The following SAR1A variants were observed in gnomAD, a reference collection of about 807,000 sequenced individuals.
The protein encoded by SAR1A is small COPII coat GTPase SAR1A.
SAR1A carries 6 observed loss-of-function variants against 22.6 expected under a neutral mutation model. The ratio of observed to expected loss-of-function variants is 0.27; its 90% CI spans 0.15 to 0.52. SAR1A has a LOEUF of 0.52. Ranked by LOEUF, SAR1A falls within the 20% of genes least tolerant of loss-of-function variation. The pLI is 0.96. For synonymous variants in SAR1A, 70 were observed against 82.2 expected, an observed-to-expected ratio of 0.85 and a Z score of 0.80; for missense variants, 145 against 245.1, an observed-to-expected ratio of 0.59 and a Z score of 2.73.
At chr10:70,158,951 C>T (rs1004812088) in intron 4 of SAR1A, among the ~76,000 whole-genome samples, 1 of 152,176 alleles carries the variant, frequency 6.6e-6, no homozygotes, top group Admixed American at 6.5e-5. Flanking sequence ...ACCAAACAAT[C>T]TACAATTCCC....
Position 70,160,984 on chromosome 10 carries a change from T to A in SAR1A, c.244+20A>T. 1 of 1,591,064 alleles carries A rather than the reference T, an allele frequency of 6.3e-7. No homozygotes were observed. The highest frequency in any genetic ancestry group is 1.4e-5 in the African/African-American group (1 of 74,062). ...AAAAAATAAGTCAATAAACATGCTT[T>A]CCACTGAGTCATCACTTACCTTGCT... On this transcript the variant is annotated intron_variant, in intron 4 of 6. Transcript: ENST00000373241.
At position 70,148,472 on chromosome 10, in the gene SAR1A, T is replaced by C. The variant is rs1394147696; in HGVS notation, c.*4004A>G. On this transcript the variant is annotated 3_prime_UTR_variant, in exon 7 of 7. Transcript: ENST00000373241. ...GCTTGATCACAGCACAATTTCTTTA[T>C]CCCAACTTCCTAGCAATCAAAGAGT... 1 of 152,080 alleles carries C rather than the reference T, an allele frequency of 6.6e-6. No individual in the cohort carries two copies. The highest frequency in any genetic ancestry group is 2.4e-5 in the African/African-American group (1 of 41,418). 9.4% of individuals were successfully genotyped at this position (152,080 alleles called of 1,614,324 possible).
intron 4 of SAR1A, 32 bp downstream of exon 4, chr10:70,160,972 A>C (rs370099648): frequency 9.0e-6 from 14 of 1,552,208 alleles, no homozygotes; most frequent in Non-Finnish European, 1.2e-5. Flanking sequence ...AAATAAGTCA[A>C]TAAACATGCT....
At chr10:70,165,601 T>C (rs1295437658) in intron 1 of SAR1A, among the ~76,000 whole-genome samples, 1 of 152,202 alleles carries the variant, frequency 6.6e-6, no homozygotes, top group Non-Finnish European at 1.5e-5. Flanking sequence ...ATGATCAAAC[T>C]AATGGATAAA....
rs916052435 is a variant in SAR1A at position 70,150,044 on chromosome 10, C to T, written c.*2432G>A. On this transcript the variant is annotated 3_prime_UTR_variant, in exon 7 of 7. Transcript: ENST00000373241. ...AATCTATTACTTCTAGTACCCCAGC[C>T]TTTTTCCCCCTCCTGGTGGCAAAAT... is the stretch of plus-strand genomic sequence containing the variant. 2 of 152,112 alleles carry T rather than the reference C, an allele frequency of 1.3e-5. No individual in the cohort carries two copies. Among genetic ancestry groups the T allele is most frequent in the Non-Finnish European group, 2.9e-5 (2 of 68,034 alleles). The allele number at this position is 152,112 out of a possible 1,614,324, so 9.4% of individuals were successfully genotyped here.
chr10:70,152,940 A>C (rs1173958897), intron 6 of SAR1A, among the ~76,000 whole-genome samples: 1 of 152,252 alleles, frequency 6.6e-6, no homozygotes, highest in African/African-American at 2.4e-5. Flanking sequence ...CTGTTTAAAA[A>C]TAAGGACATT....
chr10:70,153,996 G>GA (rs753854570), intron 5 of SAR1A, 27 bp from the exon 6 acceptor site: 149 of 1,508,082 alleles, frequency 9.9e-5, no homozygotes, highest in South Asian at 7.0e-4. Context: ...AAGAAAAAAA[G>GA]AAAAAAAAGA....
At chr10:70,170,183 G>C (rs1416903709) in intron 1 of SAR1A, among the ~76,000 whole-genome samples, 2 of 151,954 alleles carry the variant, frequency 1.3e-5, no homozygotes, top group African/African-American at 4.8e-5. Context: ...CGAGACCCCC[G>C]AGCGGAATGC....
At chr10:70,165,661 T>A (rs898800536) in intron 1 of SAR1A, among the ~76,000 whole-genome samples, 1 of 152,190 alleles carries the variant, frequency 6.6e-6, no homozygotes, top group African/African-American at 2.4e-5. Flanking sequence ...TGAGATGGAA[T>A]CTAGTCCTGG....
At position 70,153,896 on chromosome 10, in the gene SAR1A, G is replaced by C. The variant is rs780193287; in HGVS notation, c.422C>G (p.Ala141Gly). 6.2e-7 allele frequency: 1 copy of C among 1,608,100 alleles called. No individual in the cohort carries two copies. Among genetic ancestry groups the C allele is most frequent in the South Asian group, 1.1e-5 (1 of 89,982 alleles). The part of the protein sequence containing the change: ...ILGNKIDRTD[A>G]ISEEKLREIF... ...CTCACGGAGTTTTTCTTCACTGATT[G>C]CATCTGTTCTGTCAATTTTGTTACC... Residue 141 changes from alanine to glycine, a missense_variant, in exon 6 of 7, where the codon GCA (alanine) becomes GGA (glycine). Physicochemically the swap from Ala to Gly is moderately conservative, Grantham distance 60. This residue lies in a region of SAR1A where 83 missense variants were observed against 114.7 expected (regional missense o/e 0.72). Coordinates refer to ENST00000373241, the MANE Select transcript of SAR1A (RefSeq NM_020150.5).
rs1839307839 is a variant in SAR1A, at chr10:70,149,983, G to T, written c.*2493C>A. On this transcript the variant is annotated 3_prime_UTR_variant, in exon 7 of 7. Transcript: ENST00000373241. ...TTGCAGAGATGACCAACAACCCTGG[G>T]TCCACAGCATGTTCCAAATCTCTCA... The T allele has an allele frequency of 1.3e-5, 2 of 152,056 alleles. No individual in the cohort carries two copies. The highest frequency in any genetic ancestry group is 1.5e-5 in the Non-Finnish European group (1 of 68,020). The allele number at this position is 152,056 out of a possible 1,614,324, so 9.4% of individuals were successfully genotyped here.
rs747115490 is a variant in SAR1A at position 70,153,906 on chromosome 10, T to C, written c.412A>G (p.Arg138Gly). Residue 138 changes from arginine to glycine, a missense_variant, in exon 6 of 7, where the codon AGA becomes GGA. By Grantham distance (125) the Arg-to-Gly change is moderately radical. Around this residue, in one of 3 missense-constraint regions of SAR1A, gnomAD observed 83 missense variants for 114.7 expected, o/e 0.72. Coordinates refer to ENST00000373241, the MANE Select transcript of SAR1A (RefSeq NM_020150.5). ...TTTTCTTCACTGATTGCATCTGTTC[T>C]GTCAATTTTGTTACCCAAGATAAGG... ...PILILGNKID[R>G]TDAISEEKLR... 3 of 1,609,826 alleles carry C rather than the reference T, an allele frequency of 1.9e-6. No individual in the cohort carries two copies. The highest frequency in any genetic ancestry group is 1.7e-6 in the Non-Finnish European group (2 of 1,177,906).
chr10:70,167,511 G>A (rs1442208173), intron 1 of SAR1A: 1 of 152,100 alleles, frequency 6.6e-6, no homozygotes, highest in East Asian at 1.9e-4. Context: ...GCTGAGGCAG[G>A]AGAAACGCTT....
chr10:70,157,033 G>C (rs1839397418), intron 5 of SAR1A, among the ~76,000 whole-genome samples: 1 of 152,196 alleles, frequency 6.6e-6, no homozygotes, highest in African/African-American at 2.4e-5. Context: ...GGCACAAGCT[G>C]AGAATGCAGA....
Position 70,152,656 on chromosome 10 carries a change from G to A in SAR1A, c.481-64C>T, listed in dbSNP as rs185196417. The A allele has an allele frequency of 4.1e-4, 440 of 1,075,998 alleles. 2 individuals are homozygous for A. In the Middle Eastern group the frequency reaches 6.6e-3, roughly 16 times the overall value. 66.7% of individuals were successfully genotyped at this position (1,075,998 alleles called of 1,614,324 possible). ...CTGTGGTGGAAAAGATTGAAAGGAC[G>A]ATCATTACAATCATTTTATCCATTC... On this transcript the variant is annotated intron_variant, in intron 6 of 6. Transcript: ENST00000373241.
At chr10:70,160,275 G>A (rs191793216) in intron 4 of SAR1A, among the ~76,000 whole-genome samples, 1 of 152,102 alleles carries the variant, frequency 6.6e-6, no homozygotes, top group Admixed American at 6.5e-5. Flanking sequence ...TATATACAAG[G>A]AAATATCTTT....
Position 70,152,605 on chromosome 10 carries a change from A to T in SAR1A, c.481-13T>A. The T allele has an allele frequency of 1.3e-6, 2 of 1,557,078 alleles. No homozygotes were observed. The highest frequency in any genetic ancestry group is 8.9e-7 in the Non-Finnish European group (1 of 1,128,036). ...GGGTCACATTCCCCTAAAGGAGGCA[A>T]AACCAAGAAAGGCCTGTTAGCATCT... On this transcript the variant is annotated splice_polypyrimidine_tract_variant and intron_variant, in intron 6 of 6. Coordinates refer to ENST00000373241, the MANE Select transcript of SAR1A (RefSeq NM_020150.5).
chr10:70,163,662 C>T (rs1161908776), intron 1 of SAR1A: 7 of 749,816 alleles, frequency 9.3e-6, no homozygotes, highest in East Asian at 2.5e-5. Flanking sequence ...GGTTGCGTCT[C>T]GGAAACCAGT....
In SAR1A at chr10:70,147,909, C is replaced by T. The variant is rs1235170174; in HGVS notation, c.*4567G>A. 2.0e-5 allele frequency: 3 copies of T among 152,242 alleles called. No homozygotes were observed. The highest frequency in any genetic ancestry group is 2.9e-5 in the Non-Finnish European group (2 of 68,070). 9.4% of individuals were successfully genotyped at this position (152,242 alleles called of 1,614,324 possible). On this transcript the variant is annotated 3_prime_UTR_variant, in exon 7 of 7. Coordinates refer to ENST00000373241, the MANE Select transcript of SAR1A (RefSeq NM_020150.5). ...TATTTATTTTTTTGAGACGGAGTCTCGCTCTGTCGCCCAGGCTGGAGTGCA... is the reference window on the plus strand; with the variant it reads ...TATTTATTTTTTTGAGACGGAGTCTTGCTCTGTCGCCCAGGCTGGAGTGCA...
Sources: allele counts gnomAD v4.1 joint callset (sites outside exome capture counted in the v4.1 genomes callset), GRCh38; gene constraint gnomAD v4.1.1; regional missense constraint gnomAD v4.1.1; transcripts MANE v1.5; gene names NCBI Gene and HGNC (gene_info 2026-07-23, HGNC 2026-07-21).